CFTR: variants seen among roughly 807,000 people sequenced by gnomAD.
The protein encoded by CFTR is cystic fibrosis transmembrane conductance regulator.
CFTR carries 181 observed loss-of-function variants against 171.6 expected under a neutral mutation model. That is an observed-to-expected ratio of 1.05 (90% CI 0.93 to 1.19). CFTR has a LOEUF of 1.19. Ranked by LOEUF, CFTR falls within the 50% of genes most tolerant of loss-of-function variation. CFTR has a pLI of 0.00. For synonymous variants in CFTR, 583 were observed against 608.0 expected (o/e 0.96, Z 0.60); for missense variants, 1,968 against 1,734.7 (o/e 1.13, Z -2.39).
intron 22 of CFTR, among the ~76,000 whole-genome samples, chr7:117,629,683 T>C (rs1484435233): frequency 6.6e-6 from 1 of 152,166 alleles, no homozygotes; most frequent in Non-Finnish European, 1.5e-5. Flanking sequence ...TTGGTGAACA[T>C]GGGTGACTCC....
intron 3 of CFTR, among the ~76,000 whole-genome samples, chr7:117,520,265 G>GT (rs200994526): frequency 0.019 from 2,345 of 122,888 alleles, 31 homozygotes; most frequent in African/African-American, 0.048. Context: ...TTTCTAGTGA[G>GT]TTTTTTTTTT....
chr7:117,491,061 A>G (rs1323404277), intron 1 of CFTR, among the ~76,000 whole-genome samples: 1 of 152,106 alleles, frequency 6.6e-6, no homozygotes, highest in Non-Finnish European at 1.5e-5. Context: ...ACAAGCCTAG[A>G]TGTCGTATAG....
chr7:117,499,429 C>CTATGTGTGTGTG (rs139818458), intron 1 of CFTR, among the ~76,000 whole-genome samples: 184 of 135,928 alleles, frequency 1.4e-3, no homozygotes, highest in African/African-American at 5.1e-3. Flanking sequence ...ATAGTTTCAT[C>CTATGTGTGTGTG]TGTGTGTGTG....
intron 1 of CFTR, among the ~76,000 whole-genome samples, chr7:117,483,199 T>C (rs928791492): frequency 1.3e-5 from 2 of 152,198 alleles, no homozygotes; most frequent in East Asian, 1.9e-4. Flanking sequence ...AAAATAGCTA[T>C]CTAATAAAAA....
At chr7:117,497,676 T>C (rs552093045) in intron 1 of CFTR, among the ~76,000 whole-genome samples, 1 of 152,266 alleles carries the variant, frequency 6.6e-6, no homozygotes, top group Non-Finnish European at 1.5e-5. Context: ...CAAGTTGAAA[T>C]ATTACCTTGT....
intron 18 of CFTR, among the ~76,000 whole-genome samples, chr7:117,608,905 A>G (rs977495510): frequency 2.6e-5 from 4 of 152,096 alleles, no homozygotes; most frequent in African/African-American, 9.7e-5. Context: ...TAAAATTTGA[A>G]TTTTATTGTG....
At chr7:117,583,226 A>G (rs1248843103) in intron 11 of CFTR, among the ~76,000 whole-genome samples, 4 of 152,100 alleles carry the variant, frequency 2.6e-5, no homozygotes, top group African/African-American at 9.7e-5. Context: ...TTTTGGTTAC[A>G]TGGATAAGTG....
intron 8 of CFTR, 26 bp from the exon 9 acceptor site, chr7:117,541,990 A>T (rs777176709): frequency 9.1e-7 from 1 of 1,104,816 alleles, no homozygotes; most frequent in Non-Finnish European, 1.4e-6. Flanking sequence ...ATTCTATAAT[A>T]TGTTTTTGCT....
intron 11 of CFTR, among the ~76,000 whole-genome samples, chr7:117,565,134 T>C (rs1489097084): frequency 6.6e-6 from 1 of 152,202 alleles, no homozygotes; most frequent in African/African-American, 2.4e-5. Flanking sequence ...CATTAACTTA[T>C]CCTACCATTT....
At chr7:117,629,104 G>C (rs1792698854) in intron 22 of CFTR, among the ~76,000 whole-genome samples, 1 of 152,114 alleles carries the variant, frequency 6.6e-6, no homozygotes, top group African/African-American at 2.4e-5. Context: ...CCTGATGTGA[G>C]ATTAGTAATT....
At chr7:117,602,560 A>G (rs1401858229) in intron 15 of CFTR, among the ~76,000 whole-genome samples, 1 of 152,212 alleles carries the variant, frequency 6.6e-6, no homozygotes, top group East Asian at 1.9e-4. Flanking sequence ...AATAGTTTCT[A>G]TTGAGTAAAG....
At chr7:117,624,280 G>A (rs549313938) in intron 21 of CFTR, among the ~76,000 whole-genome samples, 19 of 152,134 alleles carry the variant, frequency 1.2e-4, no homozygotes, top group South Asian at 6.2e-4. Flanking sequence ...TCTTTTGTCC[G>A]TGCTCACTGT....
chr7:117,510,652 T>C (rs1035446354), intron 3 of CFTR, among the ~76,000 whole-genome samples: 1 of 152,114 alleles, frequency 6.6e-6, no homozygotes, highest in Non-Finnish European at 1.5e-5. Flanking sequence ...TAAAATAATT[T>C]ATTTCTCTAG....
chr7:117,627,597 T>C lies in CFTR; in HGVS notation c.3544T>C (p.Tyr1182His), dbSNP rs770167300. The change falls in exon 22 of 27, where the codon TAC becomes CAC. Residue 1182 changes from tyrosine to histidine, a missense_variant. By Grantham distance (83) the Tyr-to-His change is moderately conservative. Transcript: ENST00000003084. ...TAAACCTACCAAGTCAACCAAACCA[T>C]ACAAGAATGGCCAACTCTCGAAAGT... Reference protein sequence around the residue: ...EGKPTKSTKPYKNGQLSKVMI... With the variant: ...EGKPTKSTKPHKNGQLSKVMI... 7 of 1,613,412 alleles carry C rather than the reference T, an allele frequency of 4.3e-6. 1 individual carries two copies. The highest frequency in any genetic ancestry group is 5.9e-6 in the Non-Finnish European group (7 of 1,179,554).
At chr7:117,517,086 C>T (rs900193723) in intron 3 of CFTR, among the ~76,000 whole-genome samples, 1 of 152,034 alleles carries the variant, frequency 6.6e-6, no homozygotes, top group Non-Finnish European at 1.5e-5. Flanking sequence ...TCAGAGTGAA[C>T]AGGCAACTTA....
intron 21 of CFTR, among the ~76,000 whole-genome samples, chr7:117,627,280 G>A (rs1469213017): frequency 6.6e-6 from 1 of 151,986 alleles, no homozygotes; most frequent in Non-Finnish European, 1.5e-5. Context: ...CTGAGAATTA[G>A]GTGATCACAA....
Position 117,652,934 on chromosome 7 carries a change from A to G in CFTR, c.3963+3A>G. On this transcript the variant is annotated splice_donor_region_variant and intron_variant, in intron 24 of 26. Coordinates refer to ENST00000003084, the MANE Select transcript of CFTR (RefSeq NM_000492.4). ...AAATATGGAAAGTTGCAGATGAGGTAAGGCTGCTAACTGAAATGATTTTGA... is the reference window on the plus strand; with the variant it reads ...AAATATGGAAAGTTGCAGATGAGGTGAGGCTGCTAACTGAAATGATTTTGA... The G allele has an allele frequency of 6.4e-7, 1 of 1,571,626 alleles. No homozygotes were observed. The highest frequency in any genetic ancestry group is 8.8e-7 in the Non-Finnish European group (1 of 1,142,728).
chr7:117,503,468 C>T (rs1381460398), intron 1 of CFTR, among the ~76,000 whole-genome samples: 1 of 152,170 alleles, frequency 6.6e-6, no homozygotes, highest in East Asian at 1.9e-4. Context: ...CTACTTTCTT[C>T]TTTCTAGATT....
Position 117,594,958 on chromosome 7 carries a change from T to C in CFTR, c.2519T>C (p.Ile840Thr). 1 of 1,613,010 alleles carries C rather than the reference T, an allele frequency of 6.2e-7. No homozygotes were observed. Among genetic ancestry groups the C allele is most frequent in the Non-Finnish European group, 8.5e-7 (1 of 1,179,292 alleles). Residue 840 changes from isoleucine (I) to threonine (T), a missense_variant, in exon 15 of 27, where the codon ATA becomes ACA. By Grantham distance (89) the Ile-to-Thr change is moderately conservative (BLOSUM62 -1). Coordinates refer to ENST00000003084, the MANE Select transcript of CFTR (RefSeq NM_000492.4). ...TGCTTTTTTGATGATATGGAGAGCA[T>C]ACCAGCAGTGACTACATGGAACACA... ...KECFFDDMES[I>T]PAVTTWNTYL...
Sources: allele counts gnomAD v4.1 joint callset (sites outside exome capture counted in the v4.1 genomes callset), GRCh38; gene constraint gnomAD v4.1.1; transcripts MANE v1.5; gene names NCBI Gene and HGNC (gene_info 2026-07-23, HGNC 2026-07-21).